The following DOCK1 variants were observed in gnomAD, a reference collection of about 807,000 sequenced individuals.
DOCK1 encodes the protein dedicator of cytokinesis protein 1.
Under a neutral mutation model 262.7 loss-of-function variants are expected in DOCK1, and 138 were observed. That is an observed-to-expected ratio of 0.53 (90% CI 0.46 to 0.61). DOCK1 has a LOEUF of 0.61. DOCK1 is among the 20% of genes least tolerant of loss of function. The pLI is 0.00. For missense variants in DOCK1, 1,908 were observed against 2,370.7 expected (o/e 0.80, Z 4.05); for synonymous variants, 866 against 867.4 (o/e 1.00, Z 0.03).
At chr10:127,385,700 T>C (rs1026520935) in intron 38 of DOCK1, among the ~76,000 whole-genome samples, 1 of 152,240 alleles carries the variant, frequency 6.6e-6, no homozygotes, top group African/African-American at 2.4e-5. Flanking sequence ...GATGTCACAG[T>C]GTTGGCGTGG....
chr10:127,292,612 T>C (rs1346453538), intron 29 of DOCK1, among the ~76,000 whole-genome samples: 1 of 152,166 alleles, frequency 6.6e-6, no homozygotes, highest in Non-Finnish European at 1.5e-5. Context: ...GGTGTGATCA[T>C]TACTCTCTGT....
intron 23 of DOCK1, among the ~76,000 whole-genome samples, chr10:127,065,458 G>A (rs1322997685): frequency 6.6e-6 from 1 of 152,110 alleles, no homozygotes; most frequent in Non-Finnish European, 1.5e-5. Flanking sequence ...ATAGAGGCTC[G>A]GCCTGTTCCC....
At chr10:127,254,927 T>C (rs2059778254) in intron 28 of DOCK1, among the ~76,000 whole-genome samples, 1 of 152,178 alleles carries the variant, frequency 6.6e-6, no homozygotes, top group African/African-American at 2.4e-5. Context: ...CCTAAGTTGA[T>C]GGATTTGGAG....
intron 1 of DOCK1, among the ~76,000 whole-genome samples, chr10:126,966,891 G>A (rs899373998): frequency 1.3e-5 from 2 of 152,204 alleles, no homozygotes; most frequent in African/African-American, 2.4e-5. Flanking sequence ...CACACAATGT[G>A]TCTAGCTTCT....
At chr10:127,221,738 G>A (rs186564732) in intron 27 of DOCK1, among the ~76,000 whole-genome samples, 1 of 152,310 alleles carries the variant, frequency 6.6e-6, no homozygotes, top group East Asian at 1.9e-4. Flanking sequence ...GGGAAGTGGT[G>A]TCCTGGTGAG....
chr10:126,970,576 T>A lies in DOCK1; in HGVS notation c.47-126T>A, dbSNP rs1457264155. On this transcript the variant is annotated intron_variant, in intron 1 of 51. Transcript: ENST00000623213. ...TCACTTCTGTGGGTATCAGAGAGGA[T>A]GATGCAGGCAGCGACTGAATGTATT... 4.4e-6 allele frequency: 3 copies of A among 678,146 alleles called. No homozygotes were observed. The Admixed American group carries it at 7.0e-5, about 16-fold the overall frequency. 42.0% of individuals were successfully genotyped at this position (678,146 alleles called of 1,614,324 possible).
intron 27 of DOCK1, among the ~76,000 whole-genome samples, chr10:127,157,938 T>A (rs1172690848): frequency 3.9e-5 from 6 of 152,258 alleles, no homozygotes. Context: ...AATCAGGGTA[T>A]GCCTGCTAAA....
At chr10:127,358,067 G>T (rs1187771129) in intron 32 of DOCK1, among the ~76,000 whole-genome samples, 1 of 151,928 alleles carries the variant, frequency 6.6e-6, no homozygotes. Flanking sequence ...CAGGATGATA[G>T]CACCGACTCT....
intron 27 of DOCK1, among the ~76,000 whole-genome samples, chr10:127,215,532 C>T (rs534582810): frequency 2.6e-5 from 4 of 152,266 alleles, no homozygotes; most frequent in South Asian, 2.1e-4. Flanking sequence ...TGAGTTCCTG[C>T]TAGCAGGTAC....
intron 25 of DOCK1, among the ~76,000 whole-genome samples, chr10:127,114,567 T>C (rs1405717507): frequency 1.3e-5 from 2 of 152,052 alleles, no homozygotes; most frequent in African/African-American, 4.8e-5. Context: ...GATCTAATCA[T>C]TCCTGTTTTC....
At chr10:127,367,369 T>A (rs962569428) in intron 33 of DOCK1, among the ~76,000 whole-genome samples, 3 of 152,204 alleles carry the variant, frequency 2.0e-5, no homozygotes, top group African/African-American at 7.2e-5. Context: ...CCAGGGTCCA[T>A]GTGTTGAATG....
chr10:127,028,196 G>T (rs996085594), intron 16 of DOCK1, among the ~76,000 whole-genome samples: 3 of 152,152 alleles, frequency 2.0e-5, no homozygotes, highest in Non-Finnish European at 4.4e-5. Flanking sequence ...AGAAGCAGGG[G>T]CAGGAAGGCC....
chr10:127,228,228 G>A (rs578182398), intron 27 of DOCK1, among the ~76,000 whole-genome samples: 28 of 152,200 alleles, frequency 1.8e-4, no homozygotes, highest in Middle Eastern at 6.8e-3. Flanking sequence ...GCTGTGGGGT[G>A]GTAGAGTGAG....
In DOCK1 at chr10:127,105,110, C is replaced by T. The variant is rs750104811; in HGVS notation, c.2446-1121C>T. Among the ~76,000 whole-genome samples, 24 of 152,158 alleles carry T rather than the reference C, an allele frequency of 1.6e-4. 1 individual carries two copies. The highest frequency in any genetic ancestry group is 3.1e-4 in the Non-Finnish European group (21 of 68,028). ...CCTGAGATCTGATGGTTTTATAAGG[C>T]GCAATTCCCTTGCACAAACTTTGTT... On this transcript the variant is annotated intron_variant, in intron 23 of 51. Transcript: ENST00000623213.
chr10:127,401,701 A>T (rs2067234192), intron 38 of DOCK1, among the ~76,000 whole-genome samples: 1 of 150,164 alleles, frequency 6.7e-6, no homozygotes, highest in Admixed American at 6.7e-5. Flanking sequence ...ACTGTCTGTG[A>T]CCAATTATTA....
intron 10 of DOCK1, among the ~76,000 whole-genome samples, chr10:127,002,031 G>A (rs1027210602): frequency 3.3e-5 from 5 of 152,172 alleles, no homozygotes; most frequent in African/African-American, 1.2e-4. Flanking sequence ...TTCATGTCAT[G>A]ACTTGAATAC....
chr10:127,212,909 A>T (rs1251171853), intron 27 of DOCK1, among the ~76,000 whole-genome samples: 2 of 151,436 alleles, frequency 1.3e-5, no homozygotes, highest in Admixed American at 1.3e-4. Context: ...AAATGTTTTC[A>T]TTTAAACAAC....
At chr10:127,160,016 C>T (rs547306373) in intron 27 of DOCK1, among the ~76,000 whole-genome samples, 188 of 152,216 alleles carry the variant, frequency 1.2e-3, no homozygotes, top group African/African-American at 4.2e-3. Flanking sequence ...TTCTTCCCGG[C>T]CACATATCCA....
intron 27 of DOCK1, among the ~76,000 whole-genome samples, chr10:127,205,867 GTC>G (rs796333477): frequency 3.9e-5 from 6 of 152,272 alleles, no homozygotes; most frequent in African/African-American, 1.2e-4. Context: ...AGCATGAATA[GTC>G]TCTCTGTTTG....
Sources: gnomAD v4.1 joint callset for allele counts (sites outside exome capture counted in the v4.1 genomes callset) on GRCh38, gnomAD v4.1.1 for gene constraint, MANE v1.5 for transcripts, NCBI Gene and HGNC (gene_info 2026-07-23, HGNC 2026-07-21) for gene names.